The following SATB2 variants were observed in gnomAD, a reference collection of about 807,000 sequenced individuals.
SATB2 encodes SATB homeobox 2.
In SATB2, 1 loss-of-function variant was observed where a neutral mutation model predicts 73.4. The observed-to-expected ratio is 0.01, with a 90% confidence interval of 0.00 to 0.06. SATB2 has a LOEUF of 0.06. SATB2 is among the 10% of genes least tolerant of loss of function. SATB2 has a pLI of 1.00. For missense variants in SATB2, 459 were observed against 945.8 expected (o/e 0.49, Z 6.75); for synonymous variants, 397 against 367.0 (o/e 1.08, Z -0.93).
chr2:199,457,995 G>C (rs1692343715), upstream of SATB2: 1 of 153,652 alleles, frequency 6.5e-6, no homozygotes, highest in Non-Finnish European at 1.5e-5. The surrounding 1 kb of genome is among the most constrained non-coding windows in gnomAD (Gnocchi z 4.8). Flanking sequence ...TAGTTGCGTT[G>C]AGTCATCAGG....
chr2:199,450,276 G>A (rs1559062493), intron 2 of SATB2, among the ~76,000 whole-genome samples: 1 of 152,048 alleles, frequency 6.6e-6, no homozygotes. Context: ...CATTTCATTT[G>A]TCATTTCCCA....
intron 10 of SATB2, among the ~76,000 whole-genome samples, chr2:199,287,589 G>C (rs980786805): frequency 1.6e-4 from 25 of 151,908 alleles, no homozygotes; most frequent in African/African-American, 5.6e-4. Flanking sequence ...GGTGTGGTGG[G>C]GGGGGAGATT....
intron 7 of SATB2, among the ~76,000 whole-genome samples, chr2:199,334,858 T>C (rs1314345564): frequency 6.6e-6 from 1 of 152,054 alleles, no homozygotes; most frequent in Non-Finnish European, 1.5e-5. Context: ...CCCAACAAAA[T>C]CGTTTCTCTC....
chr2:199,456,625 C>T (rs1357936158), intron 1 of SATB2, among the ~76,000 whole-genome samples: 7 of 152,190 alleles, frequency 4.6e-5, no homozygotes, highest in Non-Finnish European at 1.0e-4. Context: ...TTTACCTATA[C>T]GGAGCAAGTC....
At chr2:199,320,485 T>C (rs1272228344) in intron 9 of SATB2, among the ~76,000 whole-genome samples, 1 of 152,134 alleles carries the variant, frequency 6.6e-6, no homozygotes, top group African/African-American at 2.4e-5. Context: ...AAGGGCCTGA[T>C]AGAAGATACC....
At chr2:199,327,776 G>A (rs996404989) in intron 8 of SATB2, among the ~76,000 whole-genome samples, 8 of 152,090 alleles carry the variant, frequency 5.3e-5, no homozygotes, top group African/African-American at 1.9e-4. Context: ...TCTGTGGGGA[G>A]ATCATCCTAG....
chr2:199,295,181 G>A (rs1418988752), intron 10 of SATB2, among the ~76,000 whole-genome samples: 2 of 152,188 alleles, frequency 1.3e-5, no homozygotes, highest in Admixed American at 1.3e-4. Context: ...CAAGGAAAGA[G>A]TAGGAACAAC....
intron 8 of SATB2, among the ~76,000 whole-genome samples, chr2:199,326,747 C>T (rs1389506937): frequency 2.0e-5 from 3 of 152,138 alleles, no homozygotes; most frequent in Admixed American, 1.3e-4. Context: ...AACTTACTAG[C>T]TCAGTATGTA....
Position 199,328,868 on chromosome 2 carries a change from T to C in SATB2, c.1216A>G (p.Thr406Ala). 6.2e-7 allele frequency: 1 copy of C among 1,613,964 alleles called. No individual in the cohort carries two copies. The highest frequency in any genetic ancestry group is 8.5e-7 in the Non-Finnish European group (1 of 1,179,912). Reference sequence around the variant, plus strand: ...TTTACTAGAAGAGACTGAGAGGCTGTCCGAGGGTCTTCTTCCTTACGCAGA... The same window carrying C: ...TTTACTAGAAGAGACTGAGAGGCTGCCCGAGGGTCTTCTTCCTTACGCAGA... ...EILRKEEDPR[T>A]ASQSLLVNLR... The change falls in exon 8 of 11, where the codon ACA becomes GCA. Residue 406 changes from threonine (T) to alanine (A), a missense_variant. By Grantham distance (58) the Thr-to-Ala change is moderately conservative (BLOSUM62 0). Around this residue, in one of 13 missense-constraint regions of SATB2, gnomAD observed 21 missense variants for 92.8 expected, o/e 0.23. Coordinates refer to ENST00000417098, the MANE Select transcript of SATB2 (RefSeq NM_001172509.2).
At chr2:199,328,308 A>G (rs1476150136) in intron 8 of SATB2, among the ~76,000 whole-genome samples, 2 of 152,174 alleles carry the variant, frequency 1.3e-5, no homozygotes, top group African/African-American at 4.8e-5. Context: ...TGGGAGACCA[A>G]GGCAAGCGGA....
intron 3 of SATB2, among the ~76,000 whole-genome samples, chr2:199,406,547 C>T (rs928371566): frequency 8.5e-5 from 13 of 152,060 alleles, no homozygotes; most frequent in Non-Finnish European, 1.8e-4. Context: ...TGCAGGCTGC[C>T]CCCATAGTCA....
chr2:199,434,380 TCTG>T (rs1294318459), intron 2 of SATB2, among the ~76,000 whole-genome samples: 3 of 152,238 alleles, frequency 2.0e-5, no homozygotes, highest in Admixed American at 6.5e-5. Flanking sequence ...GAAATATTTC[TCTG>T]CTTTGTATCA....
At chr2:199,335,373 G>T (rs185144278) in intron 7 of SATB2, among the ~76,000 whole-genome samples, 6 of 152,222 alleles carry the variant, frequency 3.9e-5, no homozygotes, top group East Asian at 3.9e-4. Context: ...GATATATTCT[G>T]CAAAGCACTA....
intron 10 of SATB2, among the ~76,000 whole-genome samples, chr2:199,282,141 A>G (rs1225105860): frequency 2.6e-5 from 4 of 152,156 alleles, no homozygotes; most frequent in African/African-American, 7.2e-5. Flanking sequence ...TTGGCCTCCC[A>G]AAGTGCTGGG....
rs975407738 is a variant in SATB2, at chr2:199,308,669, T to G, written c.1740+91A>C. The G allele has an allele frequency of 5.8e-6, 6 of 1,040,874 alleles. No individual in the cohort carries two copies. The highest frequency in any genetic ancestry group is 8.9e-6 in the Non-Finnish European group (6 of 676,686). The allele number at this position is 1,040,874 out of a possible 1,614,324, so 64.5% of individuals were successfully genotyped here. A position where few individuals can be genotyped will look rare whatever the true frequency, so the allele number is the denominator to read the frequency against. On this transcript the variant is annotated intron_variant, in intron 10 of 10. Coordinates refer to ENST00000417098, the MANE Select transcript of SATB2 (RefSeq NM_001172509.2). The surrounding 1 kb of genome is among the most constrained non-coding windows in gnomAD (Gnocchi z 4.6). ...GGCATGAGACACCCTCTGACAGAAG[T>G]TGGTGTGGTGTGTGCCACTTGGACC...
intron 10 of SATB2, among the ~76,000 whole-genome samples, chr2:199,283,604 C>T (rs1006898618): frequency 1.3e-5 from 2 of 150,924 alleles, no homozygotes; most frequent in African/African-American, 4.9e-5. Context: ...GGGCCTATTG[C>T]ATAGACCACA....
chr2:199,389,988 C>A (rs926894236), intron 3 of SATB2, among the ~76,000 whole-genome samples: 1 of 151,734 alleles, frequency 6.6e-6, no homozygotes, highest in African/African-American at 2.4e-5. Context: ...GTAATAGATG[C>A]TGCTTCACAT....
intron 8 of SATB2, chr2:199,326,247 C>T (rs923405561): frequency 6.6e-6 from 1 of 151,916 alleles, no homozygotes; most frequent in Non-Finnish European, 1.5e-5. Flanking sequence ...AATCTTTACC[C>T]AAGAGAAAAA....
intron 6 of SATB2, among the ~76,000 whole-genome samples, chr2:199,367,504 CCAAA>C (rs1559007455): frequency 2.0e-5 from 3 of 152,176 alleles, no homozygotes; most frequent in South Asian, 2.1e-4. Flanking sequence ...CAAAAATCTC[CCAAA>C]CACTCAATAG....
Sources: allele counts gnomAD v4.1 joint callset (sites outside exome capture counted in the v4.1 genomes callset), GRCh38; gene constraint gnomAD v4.1.1; regional missense constraint gnomAD v4.1.1; non-coding constraint Gnocchi (gnomAD v3.1); transcripts MANE v1.5; gene names NCBI Gene and HGNC (gene_info 2026-07-23, HGNC 2026-07-21).